USP47: variants seen among roughly 807,000 people sequenced by gnomAD.
USP47 encodes the protein ubiquitin carboxyl-terminal hydrolase 47.
In USP47, 35 loss-of-function variants were observed where a neutral mutation model predicts 165.1. The observed-to-expected ratio is 0.21, with a 90% CI of 0.16 to 0.28. The LOEUF (loss-of-function observed/expected upper bound fraction) is 0.28. USP47 is among the 10% of genes least tolerant of loss of function. The pLI is 1.00. For synonymous variants in USP47, 531 were observed against 544.5 expected (o/e 0.98, Z 0.35); for missense variants, 1,277 against 1,607.4 (o/e 0.79, Z 3.52).
intron 1 of USP47, among the ~76,000 whole-genome samples, chr11:11,877,668 C>T (rs1359891935): frequency 6.6e-6 from 1 of 151,924 alleles, no homozygotes; most frequent in Non-Finnish European, 1.5e-5. Flanking sequence ...TTAGGAAAAG[C>T]TTTACAGGGA....
At position 11,956,826 on chromosome 11, in the gene USP47, A is replaced by G. The variant is rs541290910; in HGVS notation, c.*651A>G. ...CCTTAGACCGATCCCAGCAGGTGGC[A>G]GCTCAGATTGCTGCAGTGTTGTAAT... On this transcript the variant is annotated 3_prime_UTR_variant, in exon 28 of 28. Coordinates refer to ENST00000527733, the MANE Select transcript of USP47 (RefSeq NM_001282659.2). The G allele has an allele frequency of 1.3e-5, 2 of 152,670 alleles. No homozygotes were observed. Among genetic ancestry groups the G allele is most frequent in the African/African-American group, 4.8e-5 (2 of 41,582 alleles). 9.5% of individuals were successfully genotyped at this position (152,670 alleles called of 1,614,324 possible).
intron 24 of USP47, chr11:11,951,488 T>G (rs1284691239): frequency 6.6e-6 from 1 of 152,152 alleles, no homozygotes; most frequent in Non-Finnish European, 1.5e-5. Context: ...TATTGGTGTT[T>G]GGAGGGAGGC....
chr11:11,943,954 C>G (rs1316546194), intron 20 of USP47: 1 of 151,608 alleles, frequency 6.6e-6, no homozygotes. Context: ...TAAAGCTTCT[C>G]CAAACTTTGT....
Position 11,942,366 on chromosome 11 carries a change from A to G in USP47, c.2345A>G (p.Tyr782Cys). 1 of 1,607,590 alleles carries G rather than the reference A, an allele frequency of 6.2e-7. No individual in the cohort carries two copies. Among genetic ancestry groups the G allele is most frequent in the East Asian group, 2.2e-5 (1 of 44,828 alleles). ...VFVESSETLD[Y>C]QMAFADSHLW... ...GTTGAAAGCTCCGAGACTTTGGATT[A>G]CCAGATGGCCTTTGCAGACTCTCAT... The change falls in exon 20 of 28, where the codon TAC becomes TGC. Residue 782 changes from tyrosine (Y) to cysteine (C), a missense_variant. Physicochemically the swap from Tyr to Cys is radical, Grantham distance 194. Transcript: ENST00000527733.
In USP47 at chr11:11,961,690, T is replaced by C. The variant is rs1847459562; in HGVS notation, c.*5515T>C. 6.6e-6 allele frequency among the ~76,000 whole-genome samples: 1 copy of C among 152,188 alleles called. No homozygotes were observed. The highest frequency in any genetic ancestry group is 2.4e-5 in the African/African-American group (1 of 41,444). Reference sequence around the variant, plus strand: ...TTGTTTGCCACTCTCCTTTTGTCAATTGGGAAAAAATTCCAGAAACTCTGG... The same window carrying C: ...TTGTTTGCCACTCTCCTTTTGTCAACTGGGAAAAAATTCCAGAAACTCTGG... On this transcript the variant is annotated 3_prime_UTR_variant, in exon 28 of 28. Transcript: ENST00000527733.
chr11:11,939,687 A>G (rs1590427690), intron 18 of USP47, among the ~76,000 whole-genome samples: 1 of 152,122 alleles, frequency 6.6e-6, no homozygotes, highest in African/African-American at 2.4e-5. Context: ...AATACAAAAG[A>G]AAGAGACACA....
At chr11:11,950,529 G>A in intron 24 of USP47, 47 bp downstream of exon 24, 1 of 1,204,260 alleles carries the variant, frequency 8.3e-7, no homozygotes, top group Non-Finnish European at 1.2e-6. Context: ...AAATACTCTA[G>A]AACTAATAGA....
intron 8 of USP47, among the ~76,000 whole-genome samples, chr11:11,917,394 C>T (rs79946339): frequency 1.3e-4 from 20 of 152,090 alleles, no homozygotes; most frequent in African/African-American, 4.3e-4. Context: ...CAAGAGATCA[C>T]GGGCAGCTTC....
intron 5 of USP47, among the ~76,000 whole-genome samples, chr11:11,898,417 G>T (rs1256332010): frequency 6.6e-6 from 1 of 151,426 alleles, no homozygotes; most frequent in African/African-American, 2.4e-5. Context: ...CTGTAAATAT[G>T]TATTTAGGTT....
intron 6 of USP47, 48 bp from the exon 7 acceptor site, chr11:11,903,215 T>C (rs1420957643): frequency 2.6e-6 from 4 of 1,543,166 alleles, no homozygotes; most frequent in Non-Finnish European, 3.5e-6. Flanking sequence ...GATTGTTTCA[T>C]TACATAAAGT....
intron 8 of USP47, among the ~76,000 whole-genome samples, chr11:11,918,241 C>T (rs1853573459): frequency 6.6e-6 from 1 of 151,956 alleles, no homozygotes; most frequent in Admixed American, 6.6e-5. Context: ...AATTGCAGAA[C>T]ATTTTATAAA....
chr11:11,894,349 G>T (rs1225112194), intron 4 of USP47, among the ~76,000 whole-genome samples: 1 of 151,980 alleles, frequency 6.6e-6, no homozygotes, highest in Admixed American at 6.6e-5. Context: ...CCAGCTACTC[G>T]GGAGGCTGAG....
chr11:11,850,476 GTT>G (rs11291092), intron 1 of USP47, among the ~76,000 whole-genome samples: 6,717 of 132,884 alleles, frequency 0.051, 407 homozygotes, highest in African/African-American at 0.15. Flanking sequence ...AATATTGGTA[GTT>G]TTTTTTTTTT....
chr11:11,876,535 G>A (rs890619681), intron 1 of USP47, among the ~76,000 whole-genome samples: 2 of 152,178 alleles, frequency 1.3e-5, no homozygotes, highest in African/African-American at 4.8e-5. Context: ...GGATGGGATT[G>A]GGGCCAGGGC....
chr11:11,916,977 A>T (rs888022503), intron 8 of USP47, among the ~76,000 whole-genome samples: 23 of 145,004 alleles, frequency 1.6e-4, no homozygotes, highest in African/African-American at 6.6e-4. Flanking sequence ...TATTGAGACC[A>T]TGTCTCTACA....
chr11:11,862,766 A>G (rs1465487355), intron 1 of USP47, among the ~76,000 whole-genome samples: 3 of 152,002 alleles, frequency 2.0e-5, no homozygotes, highest in Non-Finnish European at 1.5e-5. Flanking sequence ...CATGTTGCCC[A>G]GGCTGGTCTC....
Position 11,960,087 on chromosome 11 carries a change from G to A in USP47, c.*3912G>A, listed in dbSNP as rs1813304887. ...GCAGTGGGCTTATCAAGTGCTCAGTGCAATCCTGTGACTTTTAAGTCATTT... is the reference window on the plus strand; with the variant it reads ...GCAGTGGGCTTATCAAGTGCTCAGTACAATCCTGTGACTTTTAAGTCATTT... On this transcript the variant is annotated 3_prime_UTR_variant, in exon 28 of 28. Transcript: ENST00000527733. 6.6e-6 allele frequency among the ~76,000 whole-genome samples: 1 copy of A among 152,100 alleles called. No homozygotes were observed. Among genetic ancestry groups the A allele is most frequent in the Non-Finnish European group, 1.5e-5 (1 of 68,022 alleles).
intron 8 of USP47, among the ~76,000 whole-genome samples, chr11:11,911,827 T>C (rs1044794740): frequency 1.3e-5 from 2 of 152,034 alleles, no homozygotes; most frequent in African/African-American, 4.8e-5. Context: ...ATCCATTAAA[T>C]ATATACGAGG....
intron 20 of USP47, 40 bp downstream of exon 20, chr11:11,943,152 CA>C (rs1855597736): frequency 6.5e-7 from 1 of 1,547,796 alleles, no homozygotes. Flanking sequence ...GAAACAGCAT[CA>C]GTTTTTCTCT....
Sources: allele counts gnomAD v4.1 joint callset (sites outside exome capture counted in the v4.1 genomes callset), GRCh38; gene constraint gnomAD v4.1.1; transcripts MANE v1.5; gene names NCBI Gene and HGNC (gene_info 2026-07-23, HGNC 2026-07-21).